The following TMPRSS15 variants were observed in gnomAD, a reference collection of about 807,000 sequenced individuals.
TMPRSS15 encodes the protein enteropeptidase.
TMPRSS15 carries 128 observed loss-of-function variants against 125.3 expected under a neutral mutation model. The ratio of observed to expected loss-of-function variants is 1.02; its 90% confidence interval spans 0.89 to 1.18. The LOEUF is 1.18. Ranked by LOEUF, TMPRSS15 falls within the 50% of genes most tolerant of loss-of-function variation. The probability of loss-of-function intolerance (pLI) is 0.00; values close to 1 mark genes in which losing one functional copy is unlikely to be tolerated. For missense variants in TMPRSS15, 1,283 were observed against 1,212.7 expected, an observed-to-expected ratio of 1.06 and a Z score of -0.86; for synonymous variants, 446 against 423.2, an observed-to-expected ratio of 1.05 and a Z score of -0.66.
At chr21:18,299,143 C>A (rs1026042825) in intron 18 of TMPRSS15, among the ~76,000 whole-genome samples, 2 of 152,132 alleles carry the variant, frequency 1.3e-5, no homozygotes, top group Non-Finnish European at 2.9e-5. Context: ...CCTTGGAATT[C>A]CTATTGTTAA....
chr21:18,276,755 C>CT lies in TMPRSS15; in HGVS notation c.2765-1420dup, dbSNP rs372920414. ...ACTCAAAAGATTGAAAACTGGGATT[C>CT]TTTTTTTTTTTTTTTTTTTTTGAGA... On this transcript the variant is annotated intron_variant, in intron 23 of 24. Transcript: ENST00000284885. Among the ~76,000 whole-genome samples the CT allele has an allele frequency of 9.2e-3, 1,118 of 121,326 alleles. 12 individuals are homozygous for CT. The highest frequency in any genetic ancestry group is 0.031 in the East Asian group (121 of 3,894). 79.6% of individuals were successfully genotyped at this position (121,326 alleles called of 152,430 possible). A position where few individuals can be genotyped will look rare whatever the true frequency, so the allele number is the denominator to read the frequency against.
chr21:18,451,278 A>G (rs1042237805), intron 1 of TMPRSS15, among the ~76,000 whole-genome samples: 3 of 152,292 alleles, frequency 2.0e-5, no homozygotes, highest in South Asian at 4.1e-4. Flanking sequence ...TTGTTATGGA[A>G]TTATTTTTAC....
chr21:18,302,394 G>C (rs900797928), intron 18 of TMPRSS15, among the ~76,000 whole-genome samples: 2 of 152,168 alleles, frequency 1.3e-5, no homozygotes, highest in Non-Finnish European at 2.9e-5. Context: ...GGAAAGTAAA[G>C]GCATGTGGGC....
chr21:18,377,733 TA>T (rs2075857666), intron 5 of TMPRSS15, among the ~76,000 whole-genome samples: 1 of 152,112 alleles, frequency 6.6e-6, no homozygotes, highest in African/African-American at 2.4e-5. Flanking sequence ...GGGCTAAGTG[TA>T]CACTGCCCCC....
At chr21:18,297,481 CAA>C (rs2074919807) in intron 19 of TMPRSS15, among the ~76,000 whole-genome samples, 1 of 152,164 alleles carries the variant, frequency 6.6e-6, no homozygotes, top group Non-Finnish European at 1.5e-5. Flanking sequence ...TAAAACATGT[CAA>C]ATCCCTATGA....
chr21:18,477,040 GT>G (rs1309419594), intron 1 of TMPRSS15, among the ~76,000 whole-genome samples: 7 of 152,194 alleles, frequency 4.6e-5, no homozygotes, highest in Non-Finnish European at 7.4e-5. Context: ...ACAGTGAAAA[GT>G]GTTTCTGAAA....
At chr21:18,364,380 T>C (rs556364010) in intron 7 of TMPRSS15, among the ~76,000 whole-genome samples, 11 of 152,276 alleles carry the variant, frequency 7.2e-5, no homozygotes, top group Admixed American at 2.6e-4. Context: ...AAAGTTTTCA[T>C]TGGAGACTTA....
Position 18,270,036 on chromosome 21 carries a change from G to C in TMPRSS15, c.2993C>G (p.Pro998Arg), listed in dbSNP as rs1363639948. Residue 998 changes from proline (P) to arginine (R), a missense_variant, in exon 25 of 25, where the codon CCT becomes CGT. By Grantham distance (103) the Pro-to-Arg change is moderately radical (BLOSUM62 -2). Coordinates refer to ENST00000284885, the MANE Select transcript of TMPRSS15 (RefSeq NM_002772.3). ...CCTGGCATACACTCCGGGGCGATTA[G>C]GCAGGGCACACTTGTATCCAAATGA... Reference protein sequence around the residue: ...VTSFGYKCALPNRPGVYARVS... With the variant: ...VTSFGYKCALRNRPGVYARVS... 6.2e-7 allele frequency: 1 copy of C among 1,613,954 alleles called. No individual in the cohort carries two copies. Among genetic ancestry groups the C allele is most frequent in the South Asian group, 1.1e-5 (1 of 91,084 alleles).
chr21:18,337,968 C>T (rs187538471), intron 13 of TMPRSS15, among the ~76,000 whole-genome samples: 13 of 152,096 alleles, frequency 8.5e-5, no homozygotes, highest in Non-Finnish European at 1.2e-4. Flanking sequence ...AAATAGACTC[C>T]GGGCAGATTC....
chr21:18,352,605 C>T (rs1397999668), intron 10 of TMPRSS15, among the ~76,000 whole-genome samples: 1 of 151,948 alleles, frequency 6.6e-6, no homozygotes, highest in Non-Finnish European at 1.5e-5. Context: ...CTCAAATCTA[C>T]TTAGTTAATA....
intron 1 of TMPRSS15, among the ~76,000 whole-genome samples, chr21:18,469,005 T>C (rs1568735881): frequency 6.6e-6 from 1 of 152,182 alleles, no homozygotes. Context: ...TGCATGTATA[T>C]AAAGTAGAAA....
chr21:18,373,758 C>T (rs2075814714), intron 5 of TMPRSS15, among the ~76,000 whole-genome samples: 1 of 152,182 alleles, frequency 6.6e-6, no homozygotes, highest in Non-Finnish European at 1.5e-5. Context: ...TGATGTATCA[C>T]ATCTCTGTTC....
intron 24 of TMPRSS15, 48 bp downstream of exon 24, chr21:18,275,149 A>G: frequency 6.2e-7 from 1 of 1,604,026 alleles, no homozygotes; most frequent in African/African-American, 1.3e-5. Context: ...AATAACTATA[A>G]CACCAGTGCT....
At chr21:18,360,200 C>G (rs2075666915) in intron 7 of TMPRSS15, among the ~76,000 whole-genome samples, 1 of 152,094 alleles carries the variant, frequency 6.6e-6, no homozygotes, top group Non-Finnish European at 1.5e-5. Flanking sequence ...CAGTATTTAT[C>G]TCTCTGTGAC....
intron 22 of TMPRSS15, among the ~76,000 whole-genome samples, chr21:18,279,299 C>A (rs2074661565): frequency 8.0e-6 from 1 of 124,720 alleles, no homozygotes; most frequent in Non-Finnish European, 1.7e-5. Context: ...TTTTACTAGT[C>A]TCCTCGTTAC....
At chr21:18,423,781 T>C (rs561694370) in intron 1 of TMPRSS15, among the ~76,000 whole-genome samples, 1 of 152,288 alleles carries the variant, frequency 6.6e-6, no homozygotes, top group Non-Finnish European at 1.5e-5. Context: ...TCAATTCATA[T>C]GCATCTCTAT....
chr21:18,279,806 C>G (rs924549781), intron 22 of TMPRSS15, among the ~76,000 whole-genome samples: 10 of 151,986 alleles, frequency 6.6e-5, no homozygotes, highest in Admixed American at 5.9e-4. Flanking sequence ...TGTTCTGAGA[C>G]TTTTTTATTT....
At chr21:18,280,982 TC>T in intron 22 of TMPRSS15, 57 bp downstream of exon 22, 1 of 1,538,476 alleles carries the variant, frequency 6.5e-7, no homozygotes. Context: ...ATATTTGAAA[TC>T]TAGTTTTGAA....
At chr21:18,410,107 T>A (rs974939344) in intron 1 of TMPRSS15, among the ~76,000 whole-genome samples, 21 of 135,004 alleles carry the variant, frequency 1.6e-4, no homozygotes, top group African/African-American at 6.5e-4. Flanking sequence ...GAAATTAACC[T>A]GGATATGCAT....
Sources: gnomAD v4.1 joint callset for allele counts (sites outside exome capture counted in the v4.1 genomes callset) on GRCh38, gnomAD v4.1.1 for gene constraint, MANE v1.5 for transcripts, NCBI Gene and HGNC (gene_info 2026-07-23, HGNC 2026-07-21) for gene names.